NME7: variants seen among roughly 807,000 people sequenced by gnomAD.
NME7 encodes NME/NM23 family member 7.
NME7 carries 41 observed loss-of-function variants against 49.1 expected under a neutral mutation model. That is an observed-to-expected ratio of 0.83 (90% confidence interval 0.65 to 1.08). NME7 has a LOEUF of 1.08. Ranked by LOEUF, NME7 falls within the 50% of genes least tolerant of loss-of-function variation. The pLI is 0.00. For missense variants in NME7, 423 were observed against 463.4 expected, an observed-to-expected ratio of 0.91 and a Z score of 0.80; for synonymous variants, 139 against 150.6, an observed-to-expected ratio of 0.92 and a Z score of 0.56.
chr1:169,184,217 C>T (rs1660007887), intron 10 of NME7, among the ~76,000 whole-genome samples: 1 of 151,706 alleles, frequency 6.6e-6, no homozygotes, highest in Non-Finnish European at 1.5e-5. Flanking sequence ...TCCCTGCAAA[C>T]GTAGTGTTCA....
chr1:169,301,596 C>A (rs1650941328), intron 5 of NME7, among the ~76,000 whole-genome samples: 1 of 151,984 alleles, frequency 6.6e-6, no homozygotes, highest in African/African-American at 2.4e-5. Context: ...AAAAGAAATT[C>A]TGCCAAAAAG....
intron 7 of NME7, among the ~76,000 whole-genome samples, chr1:169,251,964 T>G (rs28778909): frequency 0.098 from 14,569 of 149,424 alleles, 464 homozygotes; most frequent in Admixed American, 0.11. Context: ...CTATCATTGT[T>G]GGACATTTGG....
At chr1:169,350,382 T>C (rs1653121536) in intron 1 of NME7, among the ~76,000 whole-genome samples, 1 of 151,896 alleles carries the variant, frequency 6.6e-6, no homozygotes, top group African/African-American at 2.4e-5. Flanking sequence ...ATTAATAAAT[T>C]CCCAATGCAT....
intron 7 of NME7, among the ~76,000 whole-genome samples, chr1:169,270,702 C>T (rs372179662): frequency 7.5e-6 from 1 of 133,484 alleles, no homozygotes; most frequent in Non-Finnish European, 1.8e-5. Flanking sequence ...CACTAAACTA[C>T]GTGCTGGGAA....
chr1:169,210,370 T>C (rs1391609887), intron 10 of NME7, among the ~76,000 whole-genome samples: 1 of 152,198 alleles, frequency 6.6e-6, no homozygotes, highest in Non-Finnish European at 1.5e-5. Context: ...CAGAAATGTA[T>C]GTGTCAACCT....
chr1:169,329,905 C>A (rs1255219780), intron 1 of NME7, among the ~76,000 whole-genome samples: 2 of 152,084 alleles, frequency 1.3e-5, no homozygotes, highest in African/African-American at 2.4e-5. Flanking sequence ...TAATCTAACT[C>A]TCAAAGGTCA....
At chr1:169,158,866 G>C (rs1659160375) in intron 11 of NME7, among the ~76,000 whole-genome samples, 1 of 152,118 alleles carries the variant, frequency 6.6e-6, no homozygotes, top group Admixed American at 6.6e-5. Context: ...CTAGGGATTA[G>C]CTAGGGCCAG....
At chr1:169,204,449 A>G (rs1001036941) in intron 10 of NME7, among the ~76,000 whole-genome samples, 5 of 152,004 alleles carry the variant, frequency 3.3e-5, no homozygotes, top group African/African-American at 1.2e-4. Context: ...TTTATTGTCT[A>G]CTATTATACT....
intron 4 of NME7, among the ~76,000 whole-genome samples, chr1:169,307,518 CA>C (rs1180222386): frequency 6.6e-6 from 1 of 152,154 alleles, no homozygotes; most frequent in Admixed American, 6.5e-5. Context: ...CTTAAGGTTT[CA>C]AAGAAACTAG....
chr1:169,282,541 A>C (rs1186421248), intron 7 of NME7, among the ~76,000 whole-genome samples: 1 of 152,016 alleles, frequency 6.6e-6, no homozygotes, highest in South Asian at 2.1e-4. Context: ...TTTTGATGTT[A>C]GGGTATCAAT....
At chr1:169,299,952 T>C (rs1650876498) in intron 5 of NME7, among the ~76,000 whole-genome samples, 2 of 152,096 alleles carry the variant, frequency 1.3e-5, no homozygotes, top group Admixed American at 1.3e-4. Flanking sequence ...TCAGCGTCTG[T>C]GCCACAAAAA....
intron 4 of NME7, among the ~76,000 whole-genome samples, chr1:169,306,212 T>C (rs1181383130): frequency 6.6e-6 from 1 of 152,162 alleles, no homozygotes; most frequent in Non-Finnish European, 1.5e-5. Flanking sequence ...GTATACTCTA[T>C]CAAAGAGCTT....
intron 1 of NME7, among the ~76,000 whole-genome samples, chr1:169,356,951 G>A (rs954318224): frequency 1.3e-5 from 2 of 152,118 alleles, no homozygotes; most frequent in South Asian, 2.1e-4. Context: ...TTTAATTAGC[G>A]TTCTTTCAGT....
At chr1:169,141,480 T>G (rs1658593321) in intron 11 of NME7, among the ~76,000 whole-genome samples, 1 of 152,198 alleles carries the variant, frequency 6.6e-6, no homozygotes, top group African/African-American at 2.4e-5. Context: ...GAAAAGGATC[T>G]TGGAGTATGT....
chr1:169,265,290 C>G (rs1649285345), intron 7 of NME7, among the ~76,000 whole-genome samples: 2 of 133,446 alleles, frequency 1.5e-5, no homozygotes, highest in South Asian at 4.6e-4. Context: ...CAACCATACT[C>G]TTCTGTGCAA....
intron 1 of NME7, among the ~76,000 whole-genome samples, chr1:169,357,634 A>C (rs916886731): frequency 6.6e-6 from 1 of 152,084 alleles, no homozygotes; most frequent in Non-Finnish European, 1.5e-5. Context: ...TAGAGATCTC[A>C]GTGCATGCAG....
chr1:169,142,129 C>T (rs942726782), intron 11 of NME7, among the ~76,000 whole-genome samples: 2 of 152,166 alleles, frequency 1.3e-5, no homozygotes, highest in Non-Finnish European at 2.9e-5. Flanking sequence ...CTGGACCTCC[C>T]TTATACTTTA....
chr1:169,276,847 A>G (rs1440345777), intron 7 of NME7, among the ~76,000 whole-genome samples: 1 of 140,020 alleles, frequency 7.1e-6, no homozygotes, highest in Non-Finnish European at 1.6e-5. Context: ...TTCCCTCTAC[A>G]CACTGCTTTG....
intron 1 of NME7, among the ~76,000 whole-genome samples, chr1:169,337,072 C>T (rs1557828472): frequency 6.6e-6 from 1 of 152,232 alleles, no homozygotes; most frequent in African/African-American, 2.4e-5. Context: ...GTGCCGTGTG[C>T]CCGCACTCCT....
Sources: allele counts gnomAD v4.1 joint callset (sites outside exome capture counted in the v4.1 genomes callset), GRCh38; gene constraint gnomAD v4.1.1; transcripts MANE v1.5; gene names NCBI Gene and HGNC (gene_info 2026-07-23, HGNC 2026-07-21).